KPNA7: variants seen among roughly 807,000 people sequenced by gnomAD.
The protein encoded by KPNA7 is importin subunit alpha-8.
In KPNA7, 54 loss-of-function variants were observed where a neutral mutation model predicts 53.7. The observed-to-expected ratio is 1.01, with a 90% CI of 0.81 to 1.26. The LOEUF (loss-of-function observed/expected upper bound fraction) is 1.26. Among genes scored for constraint, KPNA7 ranks in the 50% most tolerant of loss-of-function variants. KPNA7 has a pLI of 0.00. For missense variants in KPNA7, 640 were observed against 644.5 expected, an observed-to-expected ratio of 0.99 and a Z score of 0.07; for synonymous variants, 276 against 259.3, an observed-to-expected ratio of 1.06 and a Z score of -0.62.
intron 8 of KPNA7, 33 bp from the exon 9 acceptor site, chr7:99,182,098 A>G (rs1313264749): frequency 6.8e-7 from 1 of 1,479,186 alleles, no homozygotes; most frequent in East Asian, 2.5e-5. Flanking sequence ...TTCTCTACAG[A>G]TCCTCAAGAA....
chr7:99,173,840 C>T (rs916764695), intron 10 of KPNA7, 46 bp from the exon 11 acceptor site: 6 of 1,140,294 alleles, frequency 5.3e-6, no homozygotes, highest in African/African-American at 4.6e-5. Context: ...ATTCTCAGCA[C>T]ATTATCACTG....
intron 9 of KPNA7, among the ~76,000 whole-genome samples, chr7:99,179,316 G>A (rs754105487): frequency 4.2e-4 from 64 of 152,084 alleles, no homozygotes; most frequent in Middle Eastern, 3.4e-3. Context: ...CAGCACTTTG[G>A]GAGGCCGAGG....
At chr7:99,174,347 C>CTGT in intron 10 of KPNA7, among the ~76,000 whole-genome samples, 1 of 152,128 alleles carries the variant, frequency 6.6e-6, no homozygotes, top group African/African-American at 2.4e-5. Context: ...ACTGATTCTG[C>CTGT]ATTACGATGA....
intron 1 of KPNA7, among the ~76,000 whole-genome samples, chr7:99,218,534 T>G (rs1237364289): frequency 1.3e-5 from 2 of 152,152 alleles, no homozygotes; most frequent in African/African-American, 4.8e-5. Flanking sequence ...CAGCCCACTA[T>G]GTGGTTAGAC....
intron 8 of KPNA7, among the ~76,000 whole-genome samples, chr7:99,182,383 G>A (rs1789306216): frequency 6.6e-6 from 1 of 152,104 alleles, no homozygotes. Flanking sequence ...ATTTTTAGTA[G>A]AGACAGGTTT....
At chr7:99,149,855 C>T in the KPNA7 span, among the ~76,000 whole-genome samples, 6 of 152,090 alleles carry the variant, frequency 3.9e-5, no homozygotes, top group East Asian at 7.7e-4. Context: ...AGCACGATCT[C>T]GGCTCACGTG....
At chr7:99,201,743 G>A (rs982042836) in intron 3 of KPNA7, among the ~76,000 whole-genome samples, 2 of 151,560 alleles carry the variant, frequency 1.3e-5, no homozygotes, top group African/African-American at 4.8e-5. Context: ...GTCTCACTCT[G>A]TCACCCATGG....
chr7:99,194,998 C>T, intron 5 of KPNA7, 72 bp downstream of exon 5: 1 of 1,478,782 alleles, frequency 6.8e-7, no homozygotes, highest in South Asian at 1.3e-5. Context: ...TATACCCCAC[C>T]ACCCAAAGAA....
intron 10 of KPNA7, among the ~76,000 whole-genome samples, chr7:99,175,608 G>A (rs1457264650): frequency 3.3e-5 from 5 of 151,618 alleles, no homozygotes; most frequent in African/African-American, 1.2e-4. Flanking sequence ...CTCTGCTCTG[G>A]GGTTCAAGCT....
the KPNA7 span, among the ~76,000 whole-genome samples, chr7:99,165,891 C>T: frequency 2.8e-4 from 42 of 152,246 alleles, no homozygotes; most frequent in African/African-American, 9.1e-4. Context: ...TAGTAATCCC[C>T]AACGTTGGGG....
chr7:99,163,431 C>T, the KPNA7 span, among the ~76,000 whole-genome samples: 1 of 112,852 alleles, frequency 8.9e-6, no homozygotes, highest in African/African-American at 3.5e-5. Context: ...CTTTGTTGCC[C>T]AGGCTGGAGT....
Position 99,178,428 on chromosome 7 carries a change from G to A in KPNA7, c.1318-362C>T, listed in dbSNP as rs541271841. 3.9e-5 allele frequency among the ~76,000 whole-genome samples: 6 copies of A among 152,094 alleles called. No homozygotes were observed. In the South Asian group the frequency reaches 1.2e-3, roughly 32 times the overall value. ...TACTAAAAATACAAAAATTAGTTGG[G>A]CGTGGTGGCAGGTGCCTGTAATTCC... On this transcript the variant is annotated intron_variant, in intron 9 of 10. Transcript: ENST00000327442.
intron 1 of KPNA7, among the ~76,000 whole-genome samples, chr7:99,218,560 C>T (rs767644686): frequency 7.9e-5 from 12 of 152,154 alleles, no homozygotes; most frequent in Admixed American, 1.3e-4. Flanking sequence ...CCAGACACCC[C>T]GCAAGCCCGC....
At position 99,188,352 on chromosome 7, in the gene KPNA7, C is replaced by A; in HGVS notation, c.848G>T (p.Gly283Val). 6.4e-7 allele frequency: 1 copy of A among 1,551,556 alleles called. No individual in the cohort carries two copies. The highest frequency in any genetic ancestry group is 2.0e-5 in the Admixed American group (1 of 50,964). ...GAGCACTACCAGCCTGGGCAGGACC[C>A]CCGTGTTAACCACTTGGCCGATGCG... ...NKRIGQVVNT[G>V]VLPRLVVLMT... Residue 283 changes from glycine to valine, a missense_variant, in exon 7 of 11, where the codon GGG (glycine) becomes GTG (valine). By Grantham distance (109) the Gly-to-Val change is moderately radical. Coordinates refer to ENST00000327442, the MANE Select transcript of KPNA7 (RefSeq NM_001145715.3).
At chr7:99,159,670 G>T in the KPNA7 span, among the ~76,000 whole-genome samples, 4 of 152,046 alleles carry the variant, frequency 2.6e-5, no homozygotes, top group African/African-American at 9.7e-5. Context: ...TCTCTAAAAG[G>T]ACTTTATTTC....
At chr7:99,150,121 G>A in the KPNA7 span, among the ~76,000 whole-genome samples, 1 of 151,484 alleles carries the variant, frequency 6.6e-6, no homozygotes. Context: ...TTTGAGACAG[G>A]GTCTTGTTCT....
intron 1 of KPNA7, among the ~76,000 whole-genome samples, chr7:99,216,002 G>A (rs571791324): frequency 4.0e-4 from 60 of 151,528 alleles, no homozygotes; most frequent in Non-Finnish European, 7.2e-4. Flanking sequence ...GAAAAGCACT[G>A]AGTTATACAC....
the KPNA7 span, among the ~76,000 whole-genome samples, chr7:99,161,935 C>T: frequency 6.6e-6 from 1 of 151,888 alleles, no homozygotes; most frequent in Non-Finnish European, 1.5e-5. Context: ...TTAAAGCAAA[C>T]TGTGCTGCCT....
chr7:99,177,214 G>T (rs1334954728), intron 10 of KPNA7, among the ~76,000 whole-genome samples: 1 of 152,148 alleles, frequency 6.6e-6, no homozygotes, highest in Non-Finnish European at 1.5e-5. Context: ...TTACTAAAAG[G>T]GCTAGGGGAA....
Sources: allele counts gnomAD v4.1 joint callset (sites outside exome capture counted in the v4.1 genomes callset), GRCh38; gene constraint gnomAD v4.1.1; transcripts MANE v1.5; gene names NCBI Gene and HGNC (gene_info 2026-07-23, HGNC 2026-07-21).